The following PLXND1 variants were observed in gnomAD, a reference collection of about 807,000 sequenced individuals.
PLXND1 encodes the protein plexin D1.
In PLXND1, 54 loss-of-function variants were observed where a neutral mutation model predicts 197.7. The ratio of observed to expected loss-of-function variants is 0.27; its 90% CI spans 0.22 to 0.34. The LOEUF (loss-of-function observed/expected upper bound fraction) is 0.34. Among genes scored for constraint, PLXND1 ranks in the 10% least tolerant of loss-of-function variants. PLXND1 has a pLI of 1.00. For synonymous variants in PLXND1, 1,180 were observed against 1,161.2 expected (o/e 1.02, Z -0.33); for missense variants, 2,127 against 2,699.2 (o/e 0.79, Z 4.70).
rs774394107 is a variant in PLXND1, at chr3:129,589,447, G to A, written c.1392C>T (p.Pro464=). The A allele has an allele frequency of 6.8e-6, 11 of 1,611,528 alleles. No individual in the cohort carries two copies. The highest frequency in any genetic ancestry group is 1.1e-5 in the South Asian group (1 of 90,822). The change falls in exon 2 of 36, where the codon CCC becomes CCT. Residue 464 remains proline, a synonymous_variant. Coordinates refer to ENST00000324093, the MANE Select transcript of PLXND1 (RefSeq NM_015103.3). ...LSILQPLKAT[P]VFRAPGLTSV... is the part of the protein sequence containing the mutation. Reference sequence around the variant, plus strand: ...AGGTGAGGCCCGGGGCGCGGAACACGGGCGTGGCCTTCAGGGGCTGCAGGA... The same window carrying A: ...AGGTGAGGCCCGGGGCGCGGAACACAGGCGTGGCCTTCAGGGGCTGCAGGA...
chr3:129,573,700 T>C lies in PLXND1; in HGVS notation c.2731A>G (p.Ile911Val), dbSNP rs778541089. 6.2e-7 allele frequency: 1 copy of C among 1,613,702 alleles called. No individual in the cohort carries two copies. Among genetic ancestry groups the C allele is most frequent in the African/African-American group, 1.3e-5 (1 of 75,024 alleles). ...GPLDGGTLLT[I>V]RGRNLGRRLS... is the part of the protein sequence containing the mutation. ...CGCCGGCCCAGGTTCCTTCCTCGGATGGTCAGCAGGGTCCCACCGTCCAAC... is the reference window on the plus strand; with the variant it reads ...CGCCGGCCCAGGTTCCTTCCTCGGACGGTCAGCAGGGTCCCACCGTCCAAC... The change falls in exon 13 of 36, where the codon ATC becomes GTC. Residue 911 changes from isoleucine to valine, a missense_variant. Coordinates refer to ENST00000324093, the MANE Select transcript of PLXND1 (RefSeq NM_015103.3).
chr3:129,567,860 T>C lies in PLXND1; in HGVS notation c.3866-55A>G, dbSNP rs148817891. 5.6e-4 allele frequency: 591 copies of C among 1,058,906 alleles called. 5 individuals carry two copies. The African/African-American group carries it at 6.7e-3, about 12-fold the overall frequency. The allele number at this position is 1,058,906 out of a possible 1,614,324, so 65.6% of individuals were successfully genotyped here. A position where few individuals can be genotyped will look rare whatever the true frequency, so the allele number is the denominator to read the frequency against. On this transcript the variant is annotated intron_variant, in intron 20 of 35. Transcript: ENST00000324093. Reference sequence around the variant, plus strand: ...TCTGGTGCCCTTTGGAAAGCCTTTATTGGCGCCTGCTGTATTCTGGCCTCC... The same window carrying C: ...TCTGGTGCCCTTTGGAAAGCCTTTACTGGCGCCTGCTGTATTCTGGCCTCC...
intron 2 of PLXND1, 61 bp from the exon 3 acceptor site, chr3:129,586,780 G>T: frequency 6.4e-7 from 1 of 1,561,202 alleles, no homozygotes; most frequent in Non-Finnish European, 8.7e-7. Context: ...AAACCCAGGG[G>T]ACAACCTGAG....
At chr3:129,596,857 G>A (rs917805292) in intron 1 of PLXND1, among the ~76,000 whole-genome samples, 1 of 152,124 alleles carries the variant, frequency 6.6e-6, no homozygotes, top group Non-Finnish European at 1.5e-5. Flanking sequence ...AAGAAGACAG[G>A]GCTGCTTGGA....
chr3:129,556,747 TC>T, intron 34 of PLXND1, 56 bp from the exon 35 acceptor site: 3 of 1,318,130 alleles, frequency 2.3e-6, no homozygotes, highest in Non-Finnish European at 3.3e-6. Context: ...CTGAGCCTAG[TC>T]CCAGCAAAGC....
intron 1 of PLXND1, among the ~76,000 whole-genome samples, chr3:129,603,626 C>G (rs1372719092): frequency 6.6e-6 from 1 of 152,180 alleles, no homozygotes. Flanking sequence ...GTCTGCCCTG[C>G]TCACCCACCG....
rs769789665 is a variant in PLXND1, at chr3:129,572,703, C to T, written c.2983G>A (p.Gly995Arg). 1.3e-5 allele frequency: 21 copies of T among 1,602,362 alleles called. No homozygotes were observed. Among genetic ancestry groups the T allele is most frequent in the African/African-American group, 2.7e-5 (2 of 74,628 alleles). The change falls in exon 15 of 36, where the codon GGG becomes AGG. Residue 995 changes from glycine (G) to arginine (R), a missense_variant. This residue lies in a region of PLXND1 where 1,095 missense variants were observed against 1,259.8 expected (regional missense o/e 0.87). Transcript: ENST00000324093. ...CCATGGATGGTGATCCTGGTGCCCC[C>T]GGCCTTGGGGCCCATGGTAGGCTCC... is the stretch of plus-strand genomic sequence containing the variant. ...SLEPTMGPKAGGTRITIHGND... is the reference protein window; with the variant it reads ...SLEPTMGPKARGTRITIHGND...
intron 1 of PLXND1, among the ~76,000 whole-genome samples, chr3:129,597,469 G>T (rs1438075559): frequency 6.6e-6 from 1 of 152,016 alleles, no homozygotes; most frequent in African/African-American, 2.4e-5. Flanking sequence ...CCACTCCAAG[G>T]CCTCTGCCTG....
Position 129,558,648 on chromosome 3 carries a change from G to C in PLXND1, c.5298-73C>G. 1 of 1,453,816 alleles carries C rather than the reference G, an allele frequency of 6.9e-7. No homozygotes were observed. 90.1% of individuals were successfully genotyped at this position (1,453,816 alleles called of 1,614,324 possible). ...GCAGTCGAGGGACAGTTGTGGAGGA[G>C]AGAGCTGGCTTTGTCCCTCAAGGGC... On this transcript the variant is annotated intron_variant, in intron 32 of 35. Coordinates refer to ENST00000324093, the MANE Select transcript of PLXND1 (RefSeq NM_015103.3). This position sits in a 1 kb window ranked among gnomAD's most constrained non-coding sequence, Gnocchi z 4.1.
intron 2 of PLXND1, among the ~76,000 whole-genome samples, chr3:129,588,568 C>T (rs537147289): frequency 1.1e-4 from 16 of 152,380 alleles, no homozygotes; most frequent in East Asian, 1.9e-4. Context: ...CCACTCCCCA[C>T]GCCCACCCAG....
At position 129,586,173 on chromosome 3, in the gene PLXND1, G is replaced by A. The variant is rs143527204; in HGVS notation, c.1720C>T (p.Arg574Trp). Residue 574 changes from arginine (R) to tryptophan (W), a missense_variant and splice_region_variant, in exon 4 of 36, where the codon CGG (arginine) becomes TGG (tryptophan). This residue lies in a region of PLXND1 where 1,095 missense variants were observed against 1,259.8 expected (regional missense o/e 0.87). Transcript: ENST00000324093. ...GCTGTTGCTGGTGTCCAGCCTCACC[G>A]CGTCTCCAGGGCACACCAGCCGCAG... Reference protein sequence around the residue: ...AYCGWCALETRCTLQQDCTNS... With the variant: ...AYCGWCALETWCTLQQDCTNS... The A allele has an allele frequency of 2.6e-5, 42 of 1,607,046 alleles. No homozygotes were observed. The highest frequency in any genetic ancestry group is 3.3e-5 in the South Asian group (3 of 90,840).
In PLXND1 at chr3:129,557,896, T is replaced by C. The variant is rs1288577836; in HGVS notation, c.5445+532A>G. Among the ~76,000 whole-genome samples, 1 of 152,176 alleles carries C rather than the reference T, an allele frequency of 6.6e-6. No individual in the cohort carries two copies. The highest frequency in any genetic ancestry group is 2.4e-5 in the African/African-American group (1 of 41,436). ...TGCCTCCCTGTCTTTGCCTGCGCCGTTCTCTCTGCCTGGAAGGCCATCCTC... is the reference window on the plus strand; with the variant it reads ...TGCCTCCCTGTCTTTGCCTGCGCCGCTCTCTCTGCCTGGAAGGCCATCCTC... On this transcript the variant is annotated intron_variant, in intron 33 of 35. Coordinates refer to ENST00000324093, the MANE Select transcript of PLXND1 (RefSeq NM_015103.3). The surrounding 1 kb of genome is among the most constrained non-coding windows in gnomAD (Gnocchi z 4.8).
At position 129,560,673 on chromosome 3, in the gene PLXND1, G is replaced by A. The variant is rs771426612; in HGVS notation, c.5028+16C>T. The A allele has an allele frequency of 1.4e-5, 22 of 1,594,350 alleles. No individual in the cohort carries two copies. The highest frequency in any genetic ancestry group is 1.8e-5 in the Non-Finnish European group (21 of 1,162,114). Reference sequence around the variant, plus strand: ...CTGAGGGGCTGGATCCCCCGGGGCCGAGGTTGGGCACTCACCAAATGGAAA... The same window carrying A: ...CTGAGGGGCTGGATCCCCCGGGGCCAAGGTTGGGCACTCACCAAATGGAAA... On this transcript the variant is annotated intron_variant, in intron 30 of 35. Coordinates refer to ENST00000324093, the MANE Select transcript of PLXND1 (RefSeq NM_015103.3).
chr3:129,556,103 C>T lies in PLXND1; in HGVS notation c.*209G>A, dbSNP rs556827403. The stretch of plus-strand genomic sequence containing the variant: ...TCTGGCCTCCATCCCAGAGACTGAT[C>T]TGGGGACAGGTGGGAGGGGATGGAG... On this transcript the variant is annotated 3_prime_UTR_variant, in exon 36 of 36. Coordinates refer to ENST00000324093, the MANE Select transcript of PLXND1 (RefSeq NM_015103.3). 3 of 553,722 alleles carry T rather than the reference C, an allele frequency of 5.4e-6. No homozygotes were observed. In the African/African-American group the frequency reaches 5.7e-5, roughly 10 times the overall value. 34.3% of individuals were successfully genotyped at this position (553,722 alleles called of 1,614,324 possible).
intron 9 of PLXND1, among the ~76,000 whole-genome samples, chr3:129,576,960 G>A (rs1305300597): frequency 6.6e-6 from 1 of 152,136 alleles, no homozygotes; most frequent in Non-Finnish European, 1.5e-5. Context: ...AGCCAGCTGC[G>A]TGGCAGAGCT....
At chr3:129,592,124 T>C (rs2085552208) in intron 1 of PLXND1, among the ~76,000 whole-genome samples, 1 of 151,958 alleles carries the variant, frequency 6.6e-6, no homozygotes, top group African/African-American at 2.4e-5. Context: ...GAGAGCTGCA[T>C]CATTGGCACC....
chr3:129,593,174 G>A (rs2085571843), intron 1 of PLXND1, among the ~76,000 whole-genome samples: 1 of 152,052 alleles, frequency 6.6e-6, no homozygotes, highest in Non-Finnish European at 1.5e-5. Flanking sequence ...GCTCCTGGCT[G>A]TCCTCGGGAT....
Position 129,584,519 on chromosome 3 carries a change from C to G in PLXND1, c.1895G>C (p.Gly632Ala), listed in dbSNP as rs779950974. 1 of 1,613,310 alleles carries G rather than the reference C, an allele frequency of 6.2e-7. No individual in the cohort carries two copies. Among genetic ancestry groups the G allele is most frequent in the Admixed American group, 1.7e-5 (1 of 59,978 alleles). ...QISGSLPSLS[G>A]MEMACDYGNN... ...CCCATAGTCACAGGCCATCTCCATG[C>G]CACTGAGGCTGGGCAGGCTGCCCGA... Residue 632 changes from glycine to alanine, a missense_variant, in exon 6 of 36, where the codon GGC becomes GCC. Physicochemically the swap from Gly to Ala is moderately conservative, Grantham distance 60. Transcript: ENST00000324093.
In PLXND1 at chr3:129,572,689, G is replaced by A. The variant is rs866508384; in HGVS notation, c.2997C>T (p.Ile999=). The A allele has an allele frequency of 3.1e-6, 5 of 1,606,120 alleles. No homozygotes were observed. Among genetic ancestry groups the A allele is most frequent in the Non-Finnish European group, 3.4e-6 (4 of 1,175,652 alleles). Residue 999 remains isoleucine, a synonymous_variant, in exon 15 of 36, where the codon ATC becomes ATT. Transcript: ENST00000324093. ...CATGGAGGTCATTCCCATGGATGGT[G>A]ATCCTGGTGCCCCCGGCCTTGGGGC... ...TMGPKAGGTR[I]TIHGNDLHVG...
Sources: gnomAD v4.1 joint callset for allele counts (sites outside exome capture counted in the v4.1 genomes callset) on GRCh38, gnomAD v4.1.1 for gene constraint, gnomAD v4.1.1 regional missense constraint, Gnocchi (gnomAD v3.1) non-coding constraint, MANE v1.5 for transcripts, NCBI Gene and HGNC (gene_info 2026-07-23, HGNC 2026-07-21) for gene names.